ERCC1: variants seen among roughly 807,000 people sequenced by gnomAD.
ERCC1 encodes the protein DNA excision repair protein ERCC-1.
Under a neutral mutation model 37.6 loss-of-function variants are expected in ERCC1, and 36 were observed. That is an observed-to-expected ratio of 0.96 (90% CI 0.73 to 1.26). The LOEUF (loss-of-function observed/expected upper bound fraction) is 1.26. Ranked by LOEUF, ERCC1 falls within the 50% of genes most tolerant of loss-of-function variation. The probability of loss-of-function intolerance (pLI) is 0.00; values close to 1 mark genes in which losing one functional copy is unlikely to be tolerated. For missense variants in ERCC1, 349 were observed against 376.5 expected (o/e 0.93, Z 0.60); for synonymous variants, 156 against 162.1 (o/e 0.96, Z 0.28).
intron 1 of ERCC1, among the ~76,000 whole-genome samples, chr19:45,446,478 A>G (rs1466320810): frequency 2.6e-5 from 4 of 152,206 alleles, no homozygotes; most frequent in Non-Finnish European, 4.4e-5. Flanking sequence ...TCCCTATTTT[A>G]CAGATGTGCA....
At chr19:45,446,506 G>T (rs1429637288) in intron 1 of ERCC1, among the ~76,000 whole-genome samples, 1 of 152,160 alleles carries the variant, frequency 6.6e-6, no homozygotes, top group Non-Finnish European at 1.5e-5. Flanking sequence ...GCCCAAAGAG[G>T]TCGCTTAACT....
At chr19:45,437,504 T>C (rs979220970) in intron 1 of ERCC1, among the ~76,000 whole-genome samples, 2 of 152,128 alleles carry the variant, frequency 1.3e-5, no homozygotes, top group Non-Finnish European at 1.5e-5. Context: ...ATACACACGA[T>C]GGAATACTAT....
In ERCC1 at chr19:45,409,243, GAAGAAGA is replaced by G. The variant is rs1568571502; in HGVS notation, c.*425_*431del. ...CTCCCACATCCACCAAGAAGAAGAA[GAAGAAGA>G]AAGAGAGAGGTCACACAGTGACTGA... On this transcript the variant is annotated 3_prime_UTR_variant, in exon 10 of 10. Coordinates refer to ENST00000300853, the MANE Select transcript of ERCC1 (RefSeq NM_001983.4). 1 of 1,613,782 alleles carries G rather than the reference GAAGAAGA, an allele frequency of 6.2e-7. No individual in the cohort carries two copies. The highest frequency in any genetic ancestry group is 1.1e-5 in the South Asian group (1 of 91,030).
In ERCC1 at chr19:45,409,501, G is replaced by A. The variant is rs1973555592; in HGVS notation, c.*174C>T. 2 of 1,603,374 alleles carry A rather than the reference G, an allele frequency of 1.2e-6. No homozygotes were observed. Among genetic ancestry groups the A allele is most frequent in the Non-Finnish European group, 8.5e-7 (1 of 1,175,684 alleles). Reference sequence around the variant, plus strand: ...AGCAGCAGCAGCAGCAGCCTGTGTAGTCTGCCCCCGGGAAACTGAGGAACT... The same window carrying A: ...AGCAGCAGCAGCAGCAGCCTGTGTAATCTGCCCCCGGGAAACTGAGGAACT... On this transcript the variant is annotated 3_prime_UTR_variant, in exon 10 of 10. Coordinates refer to ENST00000300853, the MANE Select transcript of ERCC1 (RefSeq NM_001983.4).
At position 45,408,175 on chromosome 19, in the gene ERCC1, C is replaced by T; in HGVS notation, c.*1500G>A. 1 of 1,611,430 alleles carries T rather than the reference C, an allele frequency of 6.2e-7. No homozygotes were observed. On this transcript the variant is annotated 3_prime_UTR_variant, in exon 10 of 10. Coordinates refer to ENST00000300853, the MANE Select transcript of ERCC1 (RefSeq NM_001983.4). ...TGCCTCTCTCTGGCTCCCAGATCGT[C>T]AAGGGCAAATTGGCAGGCAAGCGGC...
chr19:45,448,004 T>C (rs1967001223), intron 1 of ERCC1, among the ~76,000 whole-genome samples: 1 of 152,140 alleles, frequency 6.6e-6, no homozygotes, highest in South Asian at 2.1e-4. Flanking sequence ...CCCAAGTAGC[T>C]GGGACTACAG....
chr19:45,426,657 A>C (rs1471290317), upstream of ERCC1, among the ~76,000 whole-genome samples: 1 of 151,802 alleles, frequency 6.6e-6, no homozygotes, highest in Non-Finnish European at 1.5e-5. Context: ...TCACCCTAAC[A>C]ATTGAAATCC....
At chr19:45,413,871 G>A in intron 8 of ERCC1, 92 bp downstream of exon 8, 1 of 1,570,002 alleles carries the variant, frequency 6.4e-7, no homozygotes, top group South Asian at 1.1e-5. Flanking sequence ...CGGGCAAGGG[G>A]TGGGCAGGGA....
intron 1 of ERCC1, among the ~76,000 whole-genome samples, chr19:45,431,078 A>G (rs67007343): frequency 0.27 from 40,518 of 151,834 alleles, 7,294 homozygotes; most frequent in African/African-American, 0.5. Flanking sequence ...TCAGCCTCCC[A>G]AGTAGCTGAG....
chr19:45,423,782 T>G lies in ERCC1; in HGVS notation c.-9A>C, dbSNP rs1274175360. 2.6e-6 allele frequency: 3 copies of G among 1,140,550 alleles called. No individual in the cohort carries two copies. Among genetic ancestry groups the G allele is most frequent in the African/African-American group, 3.2e-5 (2 of 63,460 alleles). The allele number at this position is 1,140,550 out of a possible 1,614,324, so 70.7% of individuals were successfully genotyped here. On this transcript the variant is annotated splice_region_variant and 5_prime_UTR_variant, in exon 1 of 10. Coordinates refer to ENST00000300853, the MANE Select transcript of ERCC1 (RefSeq NM_001983.4). The stretch of plus-strand genomic sequence containing the variant: ...ACCCGCAGTCTCCGCCTCCCGCACC[T>G]GTGGTCCGGGCCTCACGGTTTCAGC...
chr19:45,449,828 G>A (rs1402428405), intron 1 of ERCC1, among the ~76,000 whole-genome samples: 3 of 152,030 alleles, frequency 2.0e-5, no homozygotes, highest in Non-Finnish European at 4.4e-5. Context: ...GCCCAGCATG[G>A]TGGCGGGTGC....
chr19:45,407,606 C>T lies in ERCC1; in HGVS notation c.*2069G>A. ...ATTCTTAGGACATTTGGACATTCTG[C>T]AGGCTTGGTGGAACATGTTCTGTAT... On this transcript the variant is annotated 3_prime_UTR_variant, in exon 10 of 10. Transcript: ENST00000300853. 1 of 289,746 alleles carries T rather than the reference C, an allele frequency of 3.5e-6. No homozygotes were observed. The highest frequency in any genetic ancestry group is 6.4e-6 in the Non-Finnish European group (1 of 156,416). 17.9% of individuals were successfully genotyped at this position (289,746 alleles called of 1,614,324 possible).
intron 1 of ERCC1, among the ~76,000 whole-genome samples, chr19:45,432,283 TTTATTATTA>T (rs35170597): frequency 0.032 from 4,659 of 145,952 alleles, 244 homozygotes; most frequent in African/African-American, 0.11. Context: ...ACAAAATTAA[TTTATTATTA>T]TTATTATTAT....
Position 45,413,728 on chromosome 19 carries a change from G to A in ERCC1, c.792C>T (p.Ile264=), listed in dbSNP as rs3212976. The change falls in exon 9 of 10, where the codon ATC becomes ATT. Residue 264 remains isoleucine (I), a synonymous_variant. Transcript: ENST00000300853. The part of the protein sequence containing the change: ...LTTFGSLEQL[I]AASREDLALC... Reference sequence around the variant, plus strand: ...AGGCCAGATCTTCTCTTGATGCGGCGATGAGCTGTTCCAGAGACTGAAAGG... The same window carrying A: ...AGGCCAGATCTTCTCTTGATGCGGCAATGAGCTGTTCCAGAGACTGAAAGG... The A allele has an allele frequency of 7.3e-4, 1,186 of 1,613,712 alleles. 8 individuals carry two copies. The East Asian group carries it at 0.018, about 25-fold the overall frequency.
At chr19:45,433,957 A>AC (rs1456378431) in intron 1 of ERCC1, among the ~76,000 whole-genome samples, 20 of 151,310 alleles carry the variant, frequency 1.3e-4, no homozygotes, top group Non-Finnish European at 2.7e-4. Context: ...ACATGGTGAA[A>AC]CCCCGTCTCT....
intron 9 of ERCC1, among the ~76,000 whole-genome samples, chr19:45,411,951 G>A (rs1973765503): frequency 1.3e-5 from 2 of 151,828 alleles, no homozygotes; most frequent in African/African-American, 4.8e-5. Context: ...CTGCCTCCCA[G>A]GTTCATGCCA....
upstream of ERCC1, among the ~76,000 whole-genome samples, chr19:45,426,657 A>G (rs1471290317): frequency 1.3e-5 from 2 of 151,802 alleles, no homozygotes; most frequent in Admixed American, 6.6e-5. Context: ...TCACCCTAAC[A>G]ATTGAAATCC....
At chr19:45,436,435 G>A (rs1293129179) in intron 1 of ERCC1, among the ~76,000 whole-genome samples, 3 of 151,994 alleles carry the variant, frequency 2.0e-5, no homozygotes, top group Non-Finnish European at 4.4e-5. Flanking sequence ...GACTATCCTG[G>A]TCAACATGGT....
upstream of ERCC1, among the ~76,000 whole-genome samples, chr19:45,427,973 A>G (rs911629461): frequency 3.3e-5 from 5 of 152,076 alleles, no homozygotes; most frequent in Non-Finnish European, 7.4e-5. Flanking sequence ...GTTAGTTAAG[A>G]GCGAGGGGAA....
Sources: allele counts gnomAD v4.1 joint callset (sites outside exome capture counted in the v4.1 genomes callset), GRCh38; gene constraint gnomAD v4.1.1; transcripts MANE v1.5; gene names NCBI Gene and HGNC (gene_info 2026-07-23, HGNC 2026-07-21).